The following NCOR2 variants were observed in gnomAD, a reference collection of about 807,000 sequenced individuals.
NCOR2 encodes the protein nuclear receptor corepressor 2, also known as CTG repeat protein 26.
A neutral mutation model predicts 262.9 loss-of-function variants in NCOR2; 81 were observed. The ratio of observed to expected loss-of-function variants is 0.31; its 90% CI spans 0.26 to 0.37. The LOEUF (loss-of-function observed/expected upper bound fraction) is 0.37, where lower values mean the gene tolerates loss of function less well. Among genes scored for constraint, NCOR2 ranks in the 10% least tolerant of loss-of-function variants. The pLI is 1.00. For synonymous variants in NCOR2, 1,659 were observed against 1,559.3 expected, an observed-to-expected ratio of 1.06 and a Z score of -1.51; for missense variants, 3,385 against 3,621.4, an observed-to-expected ratio of 0.93 and a Z score of 1.68.
chr12:124,368,276 G>C (rs1284986559), intron 20 of NCOR2, among the ~76,000 whole-genome samples: 1 of 152,164 alleles, frequency 6.6e-6, no homozygotes, highest in Non-Finnish European at 1.5e-5. Context: ...CCGGTTGGGG[G>C]GCAGGGCACG....
intron 15 of NCOR2, among the ~76,000 whole-genome samples, chr12:124,400,248 C>T (rs569722210): frequency 6.6e-6 from 1 of 152,192 alleles, no homozygotes; most frequent in African/African-American, 2.4e-5. Flanking sequence ...CTACAACTGT[C>T]CCCCCACGTT....
intron 1 of NCOR2, among the ~76,000 whole-genome samples, chr12:124,554,482 C>G (rs1293219805): frequency 6.6e-6 from 1 of 152,222 alleles, no homozygotes; most frequent in African/African-American, 2.4e-5. Context: ...TCCCCTCTCT[C>G]CAAGGCAAAA....
chr12:124,335,753 G>A (rs2035821509), intron 38 of NCOR2, 121 bp from the exon 41 acceptor site: 2 of 1,173,464 alleles, frequency 1.7e-6, no homozygotes, highest in East Asian at 2.5e-5. Context: ...CAAGCTAGGG[G>A]TAGGGTTTGG....
rs986775435 is a variant in NCOR2, at chr12:124,440,244, C to T, written c.816-2248G>A. Among the ~76,000 whole-genome samples the T allele has an allele frequency of 6.6e-5, 10 of 152,212 alleles. No individual in the cohort carries two copies. The highest frequency in any genetic ancestry group is 1.3e-4 in the Admixed American group (2 of 15,290). The stretch of plus-strand genomic sequence containing the variant: ...TTCCAAAGCTACTGACTGGGAGCCA[C>T]GCTATGTCCAGCCCCCGGGACCCCA... On this transcript the variant is annotated intron_variant, in intron 7 of 46. Transcript: ENST00000405201. This position sits in a 1 kb window ranked among gnomAD's most constrained non-coding sequence, Gnocchi z 5.7.
rs191260796 is a variant in NCOR2 at position 124,483,561 on chromosome 12, G to A, written c.411+35C>T. The A allele has an allele frequency of 1.2e-4, 174 of 1,510,326 alleles. No individual in the cohort carries two copies. The East Asian group carries it at 2.1e-3, about 18-fold the overall frequency. The allele number at this position is 1,510,326 out of a possible 1,614,324, so 93.6% of individuals were successfully genotyped here. ...CCCAACCAGCAGCAGAACCTCAAGC[G>A]GGAGAGGAGCTCCCAGCTGGGGGCC... On this transcript the variant is annotated intron_variant, in intron 3 of 46. Transcript: ENST00000405201. This position sits in a 1 kb window ranked among gnomAD's most constrained non-coding sequence, Gnocchi z 6.3.
Position 124,357,912 on chromosome 12 carries a change from T to TGC in NCOR2, c.3101-1132_3101-1131dup, listed in dbSNP as rs397787892. ...GGAGGTAACCTGTGATATGTGTGTG[T>TGC]GCGTGCGCACGTGCGTGCATGTGTG... On this transcript the variant is annotated intron_variant, in intron 22 of 46. Coordinates refer to ENST00000405201, the Ensembl canonical transcript of NCOR2. 4.2e-3 allele frequency among the ~76,000 whole-genome samples: 577 copies of TGC among 138,322 alleles called. 3 individuals carry two copies. The highest frequency in any genetic ancestry group is 0.015 in the African/African-American group (530 of 35,620). 90.7% of individuals were successfully genotyped at this position (138,322 alleles called of 152,430 possible). A position where few individuals can be genotyped will look rare whatever the true frequency, so the allele number is the denominator to read the frequency against.
rs762741452 is a variant in NCOR2 at position 124,457,197 on chromosome 12, A to T, written c.706-35T>A. On this transcript the variant is annotated intron_variant, in intron 5 of 46. Coordinates refer to ENST00000405201, the Ensembl canonical transcript of NCOR2. The surrounding 1 kb of genome is among the most constrained non-coding windows in gnomAD (Gnocchi z 4.0). Reference sequence around the variant, plus strand: ...GATGGCGAAGAGGAGGAATTTTTTTAAAAAACAAAAAAACACAGATTATAA... The same window carrying T: ...GATGGCGAAGAGGAGGAATTTTTTTTAAAAACAAAAAAACACAGATTATAA... 2.0e-6 allele frequency: 3 copies of T among 1,531,952 alleles called. No individual in the cohort carries two copies. Among genetic ancestry groups the T allele is most frequent in the Non-Finnish European group, 2.6e-6 (3 of 1,147,730 alleles). 94.9% of individuals were successfully genotyped at this position (1,531,952 alleles called of 1,614,324 possible).
rs2045961273 is a variant in NCOR2, at chr12:124,457,800, C to A, written c.706-638G>T. Among the ~76,000 whole-genome samples the A allele has an allele frequency of 6.6e-6, 1 of 152,182 alleles. No homozygotes were observed. Among genetic ancestry groups the A allele is most frequent in the African/African-American group, 2.4e-5 (1 of 41,434 alleles). Reference sequence around the variant, plus strand: ...CCATCAATAGGCTGGACCTCCGGGCCCCCACCCCGGCCCTCGGTGTGAAGG... The same window carrying A: ...CCATCAATAGGCTGGACCTCCGGGCACCCACCCCGGCCCTCGGTGTGAAGG... On this transcript the variant is annotated intron_variant, in intron 5 of 46. Coordinates refer to ENST00000405201, the Ensembl canonical transcript of NCOR2. The surrounding 1 kb of genome is among the most constrained non-coding windows in gnomAD (Gnocchi z 4.0).
intron 1 of NCOR2, among the ~76,000 whole-genome samples, chr12:124,532,712 CGCCGATGGACGGG>C (rs2050876579): frequency 6.6e-6 from 1 of 152,162 alleles, no homozygotes; most frequent in Non-Finnish European, 1.5e-5. Flanking sequence ...GAGACGGAGA[CGCCGATGGACGGG>C]GGACAGAGAG....
chr12:124,411,274 A>AC (rs2042570404), intron 13 of NCOR2, among the ~76,000 whole-genome samples: 3 of 148,576 alleles, frequency 2.0e-5, no homozygotes, highest in South Asian at 4.2e-4. Flanking sequence ...ATACACACAC[A>AC]GAGAGAGAGA....
chr12:124,338,505 C>CA (rs575208388), intron 37 of NCOR2, among the ~76,000 whole-genome samples: 20,070 of 87,518 alleles, frequency 0.23, 2,069 homozygotes, highest in East Asian at 0.49. Flanking sequence ...ACAACTCCAT[C>CA]AAAAAAAAAA....
At chr12:124,555,561 C>A (rs1247468023) in intron 1 of NCOR2, among the ~76,000 whole-genome samples, 3 of 152,238 alleles carry the variant, frequency 2.0e-5, no homozygotes, top group East Asian at 3.8e-4. Context: ...TCTACAGATG[C>A]GGAAACGAGC....
At chr12:124,360,694 T>C (rs1177598759) in intron 22 of NCOR2, among the ~76,000 whole-genome samples, 1 of 123,652 alleles carries the variant, frequency 8.1e-6, no homozygotes, top group East Asian at 2.7e-4. Flanking sequence ...CCCCGGCGAC[T>C]CCTCACACAC....
chr12:124,530,858 A>G (rs1269713289), intron 1 of NCOR2, among the ~76,000 whole-genome samples: 2 of 152,222 alleles, frequency 1.3e-5, no homozygotes, highest in African/African-American at 4.8e-5. Flanking sequence ...CTGCCAGGTG[A>G]TAAATGGTCA....
intron 30 of NCOR2, chr12:124,347,482 G>A (rs1005540407): frequency 7.4e-6 from 2 of 271,834 alleles, no homozygotes; most frequent in Middle Eastern, 1.1e-3. Context: ...AAGAGTTCTC[G>A]GAGCTCTCCA....
In NCOR2 at chr12:124,481,603, C is replaced by T. The variant is rs773306564; in HGVS notation, c.411+1993G>A. Among the ~76,000 whole-genome samples the T allele has an allele frequency of 6.6e-6, 1 of 152,266 alleles. No homozygotes were observed. ...GGTCCCCAGGTGGGAATGTGCCTGG[C>T]GTGTTTGAGGAACTCCAGGGTGGCC... On this transcript the variant is annotated intron_variant, in intron 3 of 46. Coordinates refer to ENST00000405201, the Ensembl canonical transcript of NCOR2. The surrounding 1 kb of genome is among the most constrained non-coding windows in gnomAD (Gnocchi z 4.6).
chr12:124,326,863 C>A (rs1296945049), intron 45 of NCOR2, among the ~76,000 whole-genome samples: 3 of 152,164 alleles, frequency 2.0e-5, no homozygotes, highest in Non-Finnish European at 2.9e-5. Flanking sequence ...TCCTCAGCTC[C>A]CTGCCCCGAT....
chr12:124,431,282 GAC>G (rs1213624102), intron 8 of NCOR2, among the ~76,000 whole-genome samples: 5 of 144,220 alleles, frequency 3.5e-5, no homozygotes, highest in Admixed American at 1.4e-4. Context: ...CAGACACACA[GAC>G]ACACACATAC....
At chr12:124,397,919 T>C (rs2041783096) in intron 16 of NCOR2, among the ~76,000 whole-genome samples, 200 bp downstream of exon 18, 1 of 152,236 alleles carries the variant, frequency 6.6e-6, no homozygotes, top group Non-Finnish European at 1.5e-5. Context: ...ACAGCGCAGC[T>C]GCACAGACCC....
Sources: gnomAD v4.1 joint callset for allele counts (sites outside exome capture counted in the v4.1 genomes callset) on GRCh38, gnomAD v4.1.1 for gene constraint, Gnocchi (gnomAD v3.1) non-coding constraint, MANE v1.5 for transcripts, NCBI Gene and HGNC (gene_info 2026-07-23, HGNC 2026-07-21) for gene names.